Variants in CPE observed in about 807,000 individuals in gnomAD.
CPE encodes the protein carbocypeptidase E.
In CPE, 17 loss-of-function variants were observed where a neutral mutation model predicts 53.5. The ratio of observed to expected loss-of-function variants is 0.32; its 90% confidence interval spans 0.22 to 0.48. CPE has a LOEUF of 0.48. Ranked by LOEUF, CPE falls within the 20% of genes least tolerant of loss-of-function variation. The pLI is 0.99. For synonymous variants in CPE, 226 were observed against 228.8 expected, an observed-to-expected ratio of 0.99 and a Z score of 0.11; for missense variants, 524 against 614.7, an observed-to-expected ratio of 0.85 and a Z score of 1.56.
chr4:165,408,399 C>T (rs1730986731), intron 1 of CPE, among the ~76,000 whole-genome samples: 1 of 144,282 alleles, frequency 6.9e-6, no homozygotes, highest in Non-Finnish European at 1.5e-5. Flanking sequence ...CCCAGCACAA[C>T]TTATTGAAAA....
chr4:165,474,391 G>A (rs1033186723), intron 3 of CPE, among the ~76,000 whole-genome samples: 28 of 152,122 alleles, frequency 1.8e-4, no homozygotes, highest in African/African-American at 6.5e-4. Context: ...TTTTGGGGAT[G>A]CATCTGAGGA....
At chr4:165,428,139 C>A (rs939233468) in intron 1 of CPE, among the ~76,000 whole-genome samples, 11 of 152,198 alleles carry the variant, frequency 7.2e-5, no homozygotes, top group Non-Finnish European at 1.5e-4. Context: ...AAGACATCCT[C>A]CTGCCTTAGC....
At chr4:165,416,131 C>T (rs1030795164) in intron 1 of CPE, among the ~76,000 whole-genome samples, 4 of 152,204 alleles carry the variant, frequency 2.6e-5, no homozygotes, top group Non-Finnish European at 4.4e-5. Flanking sequence ...CCAACTCAAC[C>T]GTAACAGTAG....
intron 1 of CPE, among the ~76,000 whole-genome samples, chr4:165,430,050 A>G: frequency 6.6e-6 from 1 of 151,946 alleles, no homozygotes; most frequent in East Asian, 1.9e-4. Context: ...ATATCAAAAA[A>G]TAAAAATAAA....
chr4:165,407,836 A>G (rs1236314609), intron 1 of CPE, among the ~76,000 whole-genome samples: 1 of 150,442 alleles, frequency 6.6e-6, no homozygotes, highest in Non-Finnish European at 1.5e-5. Context: ...GATTATAGGC[A>G]TGAGCCACCG....
intron 3 of CPE, among the ~76,000 whole-genome samples, chr4:165,470,754 T>C (rs1732191421): frequency 6.6e-6 from 1 of 152,066 alleles, no homozygotes; most frequent in South Asian, 2.1e-4. Context: ...AGACCTCAAT[T>C]CTTTGGGAAA....
chr4:165,461,177 A>AAAAAAAAAAAAAAAAAAC (rs1731994460), intron 1 of CPE, among the ~76,000 whole-genome samples: 1 of 131,114 alleles, frequency 7.6e-6, no homozygotes. Context: ...AAAAAAAAAA[A>AAAAAAAAAAAAAAAAAAC]AAAAAAAAAA....
intron 1 of CPE, among the ~76,000 whole-genome samples, chr4:165,437,940 G>A (rs1731540212): frequency 6.6e-6 from 1 of 152,156 alleles, no homozygotes; most frequent in Non-Finnish European, 1.5e-5. Flanking sequence ...TCAGGATGAG[G>A]TGTGAATCAG....
intron 3 of CPE, among the ~76,000 whole-genome samples, chr4:165,470,688 G>T (rs553482290): frequency 2.0e-5 from 3 of 152,194 alleles, no homozygotes; most frequent in Non-Finnish European, 2.9e-5. Context: ...GCCCTCTCTT[G>T]TCCTGCTCAT....
chr4:165,389,259 C>T lies in CPE; in HGVS notation c.307+9731C>T, dbSNP rs554265563. ...GCAAGATAATTGTGAATGCAGAAGT[C>T]GTCTTTGTTTTAAATTTCAAATTAG... is the stretch of plus-strand genomic sequence containing the variant. On this transcript the variant is annotated intron_variant, in intron 1 of 8. Transcript: ENST00000402744. Among the ~76,000 whole-genome samples, 29 of 152,120 alleles carry T rather than the reference C, an allele frequency of 1.9e-4. No homozygotes were observed. In the South Asian group the frequency reaches 6.0e-3, roughly 32 times the overall value.
chr4:165,482,409 AC>A, intron 4 of CPE, 50 bp downstream of exon 4: 1 of 1,295,884 alleles, frequency 7.7e-7, no homozygotes, highest in South Asian at 1.2e-5. Flanking sequence ...ATAACACTGT[AC>A]AAGGTTTTAT....
Position 165,417,103 on chromosome 4 carries a change from T to G in CPE, c.307+37575T>G, listed in dbSNP as rs79722500. On this transcript the variant is annotated intron_variant, in intron 1 of 8. Coordinates refer to ENST00000402744, the MANE Select transcript of CPE (RefSeq NM_001873.4). ...GGGACAGAAAGAAAGAGCCATTTTC[T>G]TAGACTAGAAAATAATATGGAATGG... 4.2e-4 allele frequency among the ~76,000 whole-genome samples: 64 copies of G among 152,202 alleles called. No individual in the cohort carries two copies. The East Asian group carries it at 0.012, about 29-fold the overall frequency.
chr4:165,430,704 A>G (rs1731396137), intron 1 of CPE, among the ~76,000 whole-genome samples: 1 of 152,228 alleles, frequency 6.6e-6, no homozygotes, highest in Non-Finnish European at 1.5e-5. Context: ...AAAGAAAATT[A>G]TTTAAGGATA....
At chr4:165,442,681 G>A (rs776751576) in intron 1 of CPE, among the ~76,000 whole-genome samples, 8 of 152,146 alleles carry the variant, frequency 5.3e-5, no homozygotes, top group Non-Finnish European at 1.0e-4. Flanking sequence ...GTTATTTCCC[G>A]GGACAGTACA....
intron 1 of CPE, among the ~76,000 whole-genome samples, chr4:165,417,475 G>C (rs1731144701): frequency 6.6e-6 from 1 of 150,414 alleles, no homozygotes. Flanking sequence ...GACTCAGAGA[G>C]TTTAATTGAC....
chr4:165,463,572 A>G (rs1416527649), intron 1 of CPE, among the ~76,000 whole-genome samples: 1 of 152,084 alleles, frequency 6.6e-6, no homozygotes, highest in Non-Finnish European at 1.5e-5. Flanking sequence ...TAGGAATAAA[A>G]ACAAAAAAAC....
At chr4:165,414,386 GT>G (rs1191130619) in intron 1 of CPE, among the ~76,000 whole-genome samples, 3 of 152,166 alleles carry the variant, frequency 2.0e-5, no homozygotes, top group Non-Finnish European at 4.4e-5. Flanking sequence ...AGAAGAGTAA[GT>G]TTATAGAGTC....
At chr4:165,428,277 C>G (rs963765475) in intron 1 of CPE, among the ~76,000 whole-genome samples, 1 of 152,104 alleles carries the variant, frequency 6.6e-6, no homozygotes, top group African/African-American at 2.4e-5. Context: ...ATCTCAAACT[C>G]CTGGGCTCAA....
At chr4:165,409,113 G>A (rs942356174) in intron 1 of CPE, among the ~76,000 whole-genome samples, 5 of 152,148 alleles carry the variant, frequency 3.3e-5, no homozygotes, top group South Asian at 2.1e-4. Flanking sequence ...CGGAGTGGGT[G>A]GTGGTTCCGG....
Sources: gnomAD v4.1 joint callset for allele counts (sites outside exome capture counted in the v4.1 genomes callset) on GRCh38, gnomAD v4.1.1 for gene constraint, MANE v1.5 for transcripts, NCBI Gene and HGNC (gene_info 2026-07-23, HGNC 2026-07-21) for gene names.